Variants in DPP10 observed in about 807,000 individuals in gnomAD.
The protein encoded by DPP10 is inactive dipeptidyl peptidase 10.
DPP10 carries 33 observed loss-of-function variants against 120.9 expected under a neutral mutation model. That is an observed-to-expected ratio of 0.27 (90% CI 0.21 to 0.37). The LOEUF (loss-of-function observed/expected upper bound fraction) is 0.37, where lower values mean the gene tolerates loss of function less well. Ranked by LOEUF, DPP10 falls within the 10% of genes least tolerant of loss-of-function variation. The pLI is 1.00. For synonymous variants in DPP10, 337 were observed against 326.1 expected (o/e 1.03, Z -0.36); for missense variants, 816 against 942.8 (o/e 0.87, Z 1.76).
intron 5 of DPP10, among the ~76,000 whole-genome samples, chr2:115,601,936 C>T (rs1271170567): frequency 6.6e-6 from 1 of 151,962 alleles, no homozygotes; most frequent in Non-Finnish European, 1.5e-5. Flanking sequence ...CTGCCTTGGC[C>T]TCCCAAAGTG....
At chr2:115,431,656 T>C (rs1199692208) in intron 3 of DPP10, among the ~76,000 whole-genome samples, 1 of 152,116 alleles carries the variant, frequency 6.6e-6, no homozygotes, top group Non-Finnish European at 1.5e-5. Flanking sequence ...GCTAATCATA[T>C]TCAGTGCTGG....
chr2:115,835,044 G>C (rs888028230), intron 21 of DPP10, among the ~76,000 whole-genome samples: 37 of 151,834 alleles, frequency 2.4e-4, no homozygotes, highest in African/African-American at 8.9e-4. Context: ...CCAGGGGGCG[G>C]AGTTTGCAGT....
intron 1 of DPP10, among the ~76,000 whole-genome samples, chr2:115,013,821 C>T (rs1429709970): frequency 6.6e-6 from 1 of 152,102 alleles, no homozygotes; most frequent in East Asian, 1.9e-4. Flanking sequence ...ACACCCCATA[C>T]TGGAGCACCC....
intron 21 of DPP10, among the ~76,000 whole-genome samples, chr2:115,816,912 G>A (rs1179606676): frequency 6.7e-6 from 1 of 148,348 alleles, no homozygotes; most frequent in African/African-American, 2.5e-5. Context: ...ACCGTGCCCA[G>A]CCTATTGAGC....
chr2:115,722,217 G>T (rs934556370), intron 7 of DPP10, among the ~76,000 whole-genome samples: 2 of 151,834 alleles, frequency 1.3e-5, no homozygotes, highest in Non-Finnish European at 2.9e-5. Context: ...TTCATTGTAC[G>T]CTTACAGATT....
intron 1 of DPP10, among the ~76,000 whole-genome samples, chr2:115,080,043 G>A (rs940459431): frequency 6.6e-6 from 1 of 152,090 alleles, no homozygotes; most frequent in Non-Finnish European, 1.5e-5. Flanking sequence ...TTTAGATGGA[G>A]TCTTGCTCTT....
intron 1 of DPP10, among the ~76,000 whole-genome samples, chr2:114,572,776 G>C (rs116627468): frequency 0.021 from 3,179 of 152,254 alleles, 56 homozygotes; most frequent in South Asian, 0.035. Context: ...CTGGTCCATG[G>C]GGATGACACT....
intron 1 of DPP10, among the ~76,000 whole-genome samples, chr2:114,868,887 G>A (rs961301086): frequency 2.0e-5 from 3 of 152,118 alleles, no homozygotes; most frequent in South Asian, 2.1e-4. Context: ...TTAACTGTGC[G>A]AATTTGATTA....
chr2:115,508,570 G>C (rs980222093), intron 4 of DPP10, among the ~76,000 whole-genome samples: 1 of 152,086 alleles, frequency 6.6e-6, no homozygotes, highest in Non-Finnish European at 1.5e-5. Flanking sequence ...TAATGCATTG[G>C]CTGTATCTGT....
chr2:115,016,539 A>G (rs1487130321), intron 1 of DPP10, among the ~76,000 whole-genome samples: 3 of 152,210 alleles, frequency 2.0e-5, no homozygotes, highest in Non-Finnish European at 4.4e-5. Flanking sequence ...CTGTACAGCA[A>G]AAGAAACTAT....
At chr2:114,640,264 T>C (rs1264367613) in intron 1 of DPP10, among the ~76,000 whole-genome samples, 1 of 151,916 alleles carries the variant, frequency 6.6e-6, no homozygotes, top group East Asian at 1.9e-4. Context: ...GGCTGTGTCC[T>C]GGAACGCTGA....
At chr2:115,726,947 GACAA>G (rs10606888) in intron 7 of DPP10, among the ~76,000 whole-genome samples, 77,946 of 151,552 alleles carry the variant, frequency 0.51, 21,130 homozygotes, top group African/African-American at 0.68. Context: ...GCTTGCCCTG[GACAA>G]TGTTGTGCTT....
chr2:114,818,983 T>C (rs1307077033), intron 1 of DPP10, among the ~76,000 whole-genome samples: 1 of 152,180 alleles, frequency 6.6e-6, no homozygotes, highest in African/African-American at 2.4e-5. Flanking sequence ...CTACTTGTTT[T>C]CATTAATTGA....
chr2:114,563,638 T>TC, intron 1 of DPP10, among the ~76,000 whole-genome samples: 1 of 152,290 alleles, frequency 6.6e-6, no homozygotes, highest in African/African-American at 2.4e-5. Context: ...AGCCACAAAA[T>TC]GATTAAGATG....
At chr2:115,363,057 A>G (rs1290622863) in intron 3 of DPP10, among the ~76,000 whole-genome samples, 1 of 152,220 alleles carries the variant, frequency 6.6e-6, no homozygotes, top group Non-Finnish European at 1.5e-5. Context: ...ACTGCCATGC[A>G]CTTGTCAACA....
chr2:115,356,951 C>T (rs988836391), intron 3 of DPP10, among the ~76,000 whole-genome samples: 1 of 152,152 alleles, frequency 6.6e-6, no homozygotes, highest in African/African-American at 2.4e-5. Context: ...TAACTGCTTT[C>T]TATAGTGGCT....
At chr2:115,376,842 A>G (rs1484304482) in intron 3 of DPP10, among the ~76,000 whole-genome samples, 59 of 149,616 alleles carry the variant, frequency 3.9e-4, no homozygotes, top group Admixed American at 6.7e-4. Flanking sequence ...GAGAATGATG[A>G]TTTCCAATTT....
chr2:114,513,949 A>G (rs539579585), intron 1 of DPP10, among the ~76,000 whole-genome samples: 9 of 152,324 alleles, frequency 5.9e-5, no homozygotes, highest in Non-Finnish European at 1.2e-4. Context: ...GTTAAGTAAA[A>G]TTGACTCTAA....
At chr2:115,555,834 T>A (rs2008498) in intron 5 of DPP10, among the ~76,000 whole-genome samples, 147,284 of 152,036 alleles carry the variant, frequency 0.97, 71,516 homozygotes, top group East Asian at 1. Context: ...ATAAATCGTA[T>A]AACCTATTAC....
Sources: allele counts gnomAD v4.1 joint callset (sites outside exome capture counted in the v4.1 genomes callset), GRCh38; gene constraint gnomAD v4.1.1; transcripts MANE v1.5; gene names NCBI Gene and HGNC (gene_info 2026-07-23, HGNC 2026-07-21).